Variants in ADAMTSL1 observed in about 807,000 individuals in gnomAD.
The protein encoded by ADAMTSL1 is ADAMTS-like protein 1.
A neutral mutation model predicts 201.8 loss-of-function variants in ADAMTSL1; 126 were observed. The ratio of observed to expected loss-of-function variants is 0.62; its 90% CI spans 0.54 to 0.72. The LOEUF (loss-of-function observed/expected upper bound fraction) is 0.72, where lower values mean the gene tolerates loss of function less well. ADAMTSL1 is among the 30% of genes least tolerant of loss of function. The probability of loss-of-function intolerance (pLI) is 0.00; values close to 1 mark genes in which losing one functional copy is unlikely to be tolerated. For missense variants in ADAMTSL1, 2,679 were observed against 2,277.8 expected (o/e 1.18, Z -3.59); for synonymous variants, 1,121 against 903.4 (o/e 1.24, Z -4.32).
At chr9:17,999,905 T>C (rs1350391267) in intron 1 of ADAMTSL1, among the ~76,000 whole-genome samples, 1 of 149,920 alleles carries the variant, frequency 6.7e-6, no homozygotes, top group Admixed American at 6.7e-5. Context: ...ATTTCCAATG[T>C]CATCCATGTC....
chr9:18,082,963 C>T (rs898259780), intron 1 of ADAMTSL1, among the ~76,000 whole-genome samples: 1 of 152,120 alleles, frequency 6.6e-6, no homozygotes, highest in East Asian at 1.9e-4. Context: ...ATGTCACAAC[C>T]AGTACTGCCA....
intron 20 of ADAMTSL1, among the ~76,000 whole-genome samples, chr9:18,806,252 C>T (rs1403735871): frequency 6.6e-6 from 1 of 152,170 alleles, no homozygotes; most frequent in Non-Finnish European, 1.5e-5. Flanking sequence ...CACATAAAGT[C>T]TAAAAGAATT....
chr9:18,637,772 C>A (rs1444083460), intron 6 of ADAMTSL1, among the ~76,000 whole-genome samples: 2 of 152,156 alleles, frequency 1.3e-5, no homozygotes, highest in African/African-American at 4.8e-5. Context: ...AGTGTGAAAC[C>A]AACCTTAAAT....
intron 4 of ADAMTSL1, among the ~76,000 whole-genome samples, chr9:18,613,769 A>G (rs184553780): frequency 6.6e-6 from 1 of 152,260 alleles, no homozygotes; most frequent in African/African-American, 2.4e-5. Context: ...TCAGAAAAAA[A>G]CTATTGGGTA....
intron 23 of ADAMTSL1, among the ~76,000 whole-genome samples, chr9:18,848,893 C>T (rs768973684): frequency 2.0e-5 from 3 of 152,154 alleles, no homozygotes; most frequent in Non-Finnish European, 2.9e-5. Context: ...CGGGCCATTC[C>T]CTTTGATAAT....
At chr9:18,598,046 G>C (rs1429724477) in intron 4 of ADAMTSL1, among the ~76,000 whole-genome samples, 1 of 152,086 alleles carries the variant, frequency 6.6e-6, no homozygotes, top group Non-Finnish European at 1.5e-5. Flanking sequence ...TGATCCAAGA[G>C]AACACTTAAG....
In ADAMTSL1 at chr9:18,680,336, G is replaced by A. The variant is rs949236323; in HGVS notation, c.1161G>A (p.Ala387=). 7.4e-6 allele frequency: 12 copies of A among 1,614,116 alleles called. No individual in the cohort carries two copies. The highest frequency in any genetic ancestry group is 1.1e-5 in the South Asian group (1 of 91,076). The change falls in exon 11 of 29, where the codon GCG becomes GCA. Residue 387 remains alanine, a synonymous_variant. Transcript: ENST00000380548. ...LPRWEATPWT[A]CSSSCGGGIQ... ...GGTGGGAGGCCACCCCATGGACCGC[G>A]TGCTCCTCCTCGTGTGGGGGGGGCA...
chr9:18,252,939 A>G (rs183706524), intron 2 of ADAMTSL1, among the ~76,000 whole-genome samples: 54 of 152,352 alleles, frequency 3.5e-4, no homozygotes, highest in African/African-American at 1.2e-3. Context: ...CACTATGTTT[A>G]TTACCTCATT....
chr9:18,532,450 G>A lies in ADAMTSL1; in HGVS notation c.192-797G>A, dbSNP rs1390664559. ...ACTATCATTTATCAAACACCAAAGT[G>A]GAAATTACTTAAATGACAAATAATG... On this transcript the variant is annotated intron_variant, in intron 2 of 28. Transcript: ENST00000380548. 1.2e-4 allele frequency among the ~76,000 whole-genome samples: 18 copies of A among 151,886 alleles called. 1 individual carries two copies. The highest frequency in any genetic ancestry group is 1.2e-3 in the Admixed American group (18 of 15,230).
At chr9:17,939,753 C>A (rs973921057) in intron 1 of ADAMTSL1, among the ~76,000 whole-genome samples, 1 of 152,240 alleles carries the variant, frequency 6.6e-6, no homozygotes, top group African/African-American at 2.4e-5. Context: ...GGGATAAAAT[C>A]ATGAATCATA....
At chr9:18,728,656 C>G (rs1426717726) in intron 15 of ADAMTSL1, among the ~76,000 whole-genome samples, 1 of 152,140 alleles carries the variant, frequency 6.6e-6, no homozygotes, top group Admixed American at 6.5e-5. Flanking sequence ...AGAAGGCTTC[C>G]TGGAGGAGGC....
At chr9:18,638,905 C>T (rs1228010380) in intron 6 of ADAMTSL1, among the ~76,000 whole-genome samples, 2 of 151,976 alleles carry the variant, frequency 1.3e-5, no homozygotes, top group African/African-American at 2.4e-5. Flanking sequence ...TGAGGGCCAT[C>T]AAGATTGAAG....
At chr9:18,245,440 G>A (rs956185640) in intron 2 of ADAMTSL1, among the ~76,000 whole-genome samples, 1 of 152,076 alleles carries the variant, frequency 6.6e-6, no homozygotes, top group African/African-American at 2.4e-5. Context: ...ATAGCTACTC[G>A]GGGTTTGTGA....
chr9:18,202,541 T>C (rs1235267395), intron 2 of ADAMTSL1, among the ~76,000 whole-genome samples: 1 of 152,184 alleles, frequency 6.6e-6, no homozygotes, highest in Non-Finnish European at 1.5e-5. Context: ...TGGCATGTTA[T>C]TCTGTCTCCC....
intron 2 of ADAMTSL1, among the ~76,000 whole-genome samples, chr9:18,278,469 A>G (rs933987505): frequency 2.8e-4 from 42 of 152,122 alleles, no homozygotes; most frequent in Admixed American, 7.9e-4. Context: ...CACTTTGACT[A>G]CATCACCCTA....
chr9:18,499,467 C>G (rs1196715326), intron 1 of ADAMTSL1, among the ~76,000 whole-genome samples: 1 of 152,122 alleles, frequency 6.6e-6, no homozygotes, highest in Non-Finnish European at 1.5e-5. Context: ...GGTAGGGCAG[C>G]TAAAAATGGA....
intron 2 of ADAMTSL1, among the ~76,000 whole-genome samples, chr9:18,322,461 C>T (rs537379001): frequency 9.8e-4 from 149 of 152,076 alleles, no homozygotes; most frequent in Middle Eastern, 6.8e-3. Context: ...GGTGAAACCC[C>T]GTCTCTACTA....
chr9:18,142,252 C>A (rs1384612173), intron 1 of ADAMTSL1, among the ~76,000 whole-genome samples: 1 of 152,152 alleles, frequency 6.6e-6, no homozygotes, highest in Non-Finnish European at 1.5e-5. Context: ...CAGAGCTCAC[C>A]AAATACATTA....
intron 2 of ADAMTSL1, among the ~76,000 whole-genome samples, chr9:18,413,458 C>T (rs915848710): frequency 1.3e-5 from 2 of 152,196 alleles, no homozygotes; most frequent in Non-Finnish European, 2.9e-5. Context: ...GGCCACCATG[C>T]CCGGCCAGGA....
Sources: gnomAD v4.1 joint callset for allele counts (sites outside exome capture counted in the v4.1 genomes callset) on GRCh38, gnomAD v4.1.1 for gene constraint, MANE v1.5 for transcripts, NCBI Gene and HGNC (gene_info 2026-07-23, HGNC 2026-07-21) for gene names.